The following NBPF12 variants were observed in gnomAD, a reference collection of about 807,000 sequenced individuals.
NBPF12 encodes the protein NBPF family member NBPF12.
Under a neutral mutation model 146.4 loss-of-function variants are expected in NBPF12, and 115 were observed. The ratio of observed to expected loss-of-function variants is 0.79; its 90% CI spans 0.68 to 0.92. NBPF12 has a LOEUF of 0.92. NBPF12 is among the 40% of genes least tolerant of loss of function. NBPF12 has a pLI of 0.00. For missense variants in NBPF12, 1,205 were observed against 1,326.8 expected (o/e 0.91, Z 1.43); for synonymous variants, 385 against 508.9 (o/e 0.76, Z 3.28).
intron 2 of NBPF12, among the ~76,000 whole-genome samples, chr1:146,955,684 A>G (rs1168700889): frequency 2.0e-5 from 3 of 149,392 alleles, no homozygotes; most frequent in African/African-American, 7.7e-5. Flanking sequence ...AGTCCTAAAG[A>G]CCTTCCTCTG....
chr1:146,942,901 C>T lies in NBPF12; in HGVS notation c.-821-390C>T, dbSNP rs1415869169. Reference sequence around the variant, plus strand: ...AATATTCCTTACTTTATGAAAACTTCCCTGGCTACTCAAATATTTAGTCAG... The same window carrying T: ...AATATTCCTTACTTTATGAAAACTTTCCTGGCTACTCAAATATTTAGTCAG... On this transcript the variant is annotated intron_variant, in intron 1 of 35. Transcript: ENST00000617931. Among the ~76,000 whole-genome samples, 6 of 148,162 alleles carry T rather than the reference C, an allele frequency of 4.0e-5. 1 individual carries two copies. Among genetic ancestry groups the T allele is most frequent in the African/African-American group, 1.5e-4 (6 of 39,702 alleles).
chr1:146,948,230 C>CG (rs1655156844), upstream of NBPF12, among the ~76,000 whole-genome samples: 1 of 151,594 alleles, frequency 6.6e-6, no homozygotes, highest in Admixed American at 6.6e-5. Flanking sequence ...AGGTTGGTCT[C>CG]TAACTCTTGA....
At chr1:146,981,251 C>T (rs1248118726) in intron 19 of NBPF12, among the ~76,000 whole-genome samples, 2 of 121,040 alleles carry the variant, frequency 1.7e-5, no homozygotes, top group Non-Finnish European at 3.3e-5. Flanking sequence ...GCACGTTGTG[C>T]ACATGTACCC....
At chr1:146,963,283 A>T in exon 6 of NBPF12, 1 of 1,612,046 alleles carries the variant, frequency 6.2e-7, no homozygotes, top group Non-Finnish European at 8.5e-7. Flanking sequence ...AGACTGGCAC[A>T]GCAACTTGTC....
chr1:146,939,697 C>T (rs1480914269), intron 1 of NBPF12, among the ~76,000 whole-genome samples: 4 of 151,942 alleles, frequency 2.6e-5, no homozygotes, highest in African/African-American at 9.7e-5. Context: ...TCCTCGCTTT[C>T]TTCCTACCTT....
At position 146,963,224 on chromosome 1, in the gene NBPF12, G is replaced by A. The variant is rs1396869401; in HGVS notation, c.408G>A (p.Pro136=). The A allele has an allele frequency of 1.2e-3, 1,909 of 1,610,282 alleles. 23 individuals are homozygous for A. In the African/African-American group the frequency reaches 0.016, roughly 14 times the overall value. ...AGGCCCTCCTCACTCCGGATGAGCC[G>A]GACAAGTCCCAGGGGCAGGACCTCC... Residue 136 remains proline, a synonymous_variant, in exon 6 of 34, where the codon CCG becomes CCA. Coordinates refer to ENST00000617844, the Ensembl canonical transcript of NBPF12.
At chr1:146,982,131 G>A (rs1247203536) in intron 19 of NBPF12, among the ~76,000 whole-genome samples, 2 of 145,760 alleles carry the variant, frequency 1.4e-5, no homozygotes, top group East Asian at 2.0e-4. Flanking sequence ...GAGGAGAAGG[G>A]ATGTCAGGTT....
chr1:146,980,593 G>A (rs1299556749), intron 19 of NBPF12, among the ~76,000 whole-genome samples: 2 of 151,904 alleles, frequency 1.3e-5, no homozygotes, highest in African/African-American at 4.8e-5. Context: ...GGCTGGATAT[G>A]AAATTCTTGG....
At chr1:146,958,048 TAC>T (rs1488344796) in intron 2 of NBPF12, among the ~76,000 whole-genome samples, 20,863 of 118,346 alleles carry the variant, frequency 0.18, 4,056 homozygotes, top group Admixed American at 0.31. Flanking sequence ...ATATATTATA[TAC>T]ATATACACAC....
In NBPF12 at chr1:146,989,674, C is replaced by T. The variant is rs189050702; in HGVS notation, c.3499C>T (p.Pro1167Ser). ...TTCAGTTTATCTTGGACTGACTGAC[C>T]CATGCCAGCCCTACAGAAGTGCCTT... The change falls in exon 28 of 34, where the codon CCA (proline) becomes TCA (serine). Residue 1167 changes from proline to serine, a missense_variant. Physicochemically the swap from Pro to Ser is moderately conservative, Grantham distance 74. Coordinates refer to ENST00000617844, the Ensembl canonical transcript of NBPF12. The T allele has an allele frequency of 1.5e-3, 2,389 of 1,609,590 alleles. 126 individuals carry two copies. In the African/African-American group the frequency reaches 0.028, roughly 19 times the overall value.
exon 14 of NBPF12, chr1:146,972,952 A>T: frequency 1.1e-6 from 1 of 920,692 alleles, no homozygotes; most frequent in Non-Finnish European, 1.8e-6. Context: ...AAGCAGCAGA[A>T]CAAATACAGT....
upstream of NBPF12, among the ~76,000 whole-genome samples, chr1:146,944,549 C>T (rs1474187626): frequency 2.7e-5 from 4 of 150,466 alleles, no homozygotes; most frequent in Non-Finnish European, 5.9e-5. Context: ...TCCACTGTCT[C>T]ATCTCATTCT....
At chr1:146,969,166 A>G (rs1373143836) in intron 10 of NBPF12, among the ~76,000 whole-genome samples, 3 of 151,330 alleles carry the variant, frequency 2.0e-5, no homozygotes, top group African/African-American at 7.4e-5. Flanking sequence ...TGAATGGAAC[A>G]TCATCGAGGA....
At chr1:146,940,138 T>G (rs1335350692) in intron 1 of NBPF12, among the ~76,000 whole-genome samples, 2 of 152,126 alleles carry the variant, frequency 1.3e-5, no homozygotes, top group South Asian at 4.1e-4. Flanking sequence ...TGAGCTGTTA[T>G]GCATTAATAG....
At chr1:146,994,213 T>A (rs1475778492) in intron 33 of NBPF12, 119 bp from the exon 37 acceptor site, 27 of 1,600,264 alleles carry the variant, frequency 1.7e-5, no homozygotes, top group Non-Finnish European at 2.3e-5. Context: ...TGTTACCTCA[T>A]TAATGGATCT....
intron 16 of NBPF12, among the ~76,000 whole-genome samples, chr1:146,976,101 G>A (rs1345482518): frequency 0.018 from 2,342 of 129,430 alleles, no homozygotes; most frequent in East Asian, 0.054. Flanking sequence ...CTCCTTCCTT[G>A]ATGGAAGGTG....
At chr1:146,958,075 T>C (rs1386708634) in intron 2 of NBPF12, among the ~76,000 whole-genome samples, 2 of 118,936 alleles carry the variant, frequency 1.7e-5, no homozygotes, top group South Asian at 4.0e-4. Context: ...GCCATGTTGG[T>C]TTGCTGCACC....
intron 4 of NBPF12, 35 bp from the exon 8 acceptor site, chr1:146,962,126 T>C (rs1655889127): frequency 6.2e-7 from 1 of 1,604,748 alleles, no homozygotes; most frequent in South Asian, 1.1e-5. Context: ...ATGTCCAGCC[T>C]TCCACTGAGG....
intron 31 of NBPF12, among the ~76,000 whole-genome samples, chr1:146,992,487 TGTGTG>T (rs1658256626): frequency 1.4e-5 from 2 of 140,274 alleles, no homozygotes; most frequent in African/African-American, 5.4e-5. Flanking sequence ...TGTGTGTGTG[TGTGTG>T]TGTGTGTGTG....
Sources: allele counts gnomAD v4.1 joint callset (sites outside exome capture counted in the v4.1 genomes callset), GRCh38; gene constraint gnomAD v4.1.1; transcripts MANE v1.5; gene names NCBI Gene and HGNC (gene_info 2026-07-23, HGNC 2026-07-21).